The following NPIPB11 variants were observed in gnomAD, a reference collection of about 807,000 sequenced individuals.
The protein encoded by NPIPB11 is nuclear pore complex interacting protein family member B11, also known as nuclear pore complex-interacting protein family member B11.
In NPIPB11, 17 loss-of-function variants were observed where a neutral mutation model predicts 32.8. That is an observed-to-expected ratio of 0.52 (90% CI 0.35 to 0.78). The LOEUF (loss-of-function observed/expected upper bound fraction) is 0.78. Ranked by LOEUF, NPIPB11 falls within the 30% of genes least tolerant of loss-of-function variation. NPIPB11 has a pLI of 0.01. For synonymous variants in NPIPB11, 209 were observed against 398.4 expected (o/e 0.52, Z 5.66); for missense variants, 537 against 1,000.4 (o/e 0.54, Z 6.25).
rs756148582 is a variant in NPIPB11 at position 29,394,022 on chromosome 16, G to C, written c.175C>G (p.Pro59Ala). The change falls in exon 3 of 8, where the codon CCT (proline) becomes GCT (alanine). Residue 59 changes from proline (P) to alanine (A), a missense_variant. Physicochemically the swap from Pro to Ala is conservative, Grantham distance 27. Coordinates refer to ENST00000524087, the Ensembl canonical transcript of NPIPB11. ...AACGCAATAATAATATGTAACCAAG[G>C]ACTTCCACCAAAGTCAGTCCCACGA... 1.9e-6 allele frequency: 3 copies of C among 1,599,454 alleles called. No individual in the cohort carries two copies. In the Admixed American group the frequency reaches 5.0e-5, roughly 27 times the overall value.
At chr16:29,394,052 G>A in exon 3 of NPIPB11, 1 of 1,599,258 alleles carries the variant, frequency 6.3e-7, no homozygotes, top group Non-Finnish European at 8.5e-7. Flanking sequence ...CCACGATGAT[G>A]ATGGTCAGCC....
chr16:29,405,629 C>T (rs1319527547), upstream of NPIPB11, among the ~76,000 whole-genome samples: 2 of 152,052 alleles, frequency 1.3e-5, no homozygotes, highest in African/African-American at 4.8e-5. Context: ...AGTGTGGAGA[C>T]CTTGCATCCA....
At chr16:29,397,447 G>C in intron 2 of NPIPB11, 1 of 1,055,548 alleles carries the variant, frequency 9.5e-7, no homozygotes, top group Non-Finnish European at 1.3e-6. Context: ...CTGGACTCAA[G>C]TGATCTGCCC....
upstream of NPIPB11, among the ~76,000 whole-genome samples, chr16:29,405,386 C>T (rs1964091842): frequency 6.6e-6 from 1 of 152,104 alleles, no homozygotes; most frequent in Non-Finnish European, 1.5e-5. Context: ...CTTGGGGACA[C>T]AGCAGAGAAC....
At chr16:29,389,742 C>T (rs1012404387) in intron 5 of NPIPB11, among the ~76,000 whole-genome samples, 199 bp downstream of exon 5, 12 of 148,710 alleles carry the variant, frequency 8.1e-5, no homozygotes, top group African/African-American at 2.0e-4. Flanking sequence ...CCTCTTCCCC[C>T]GAAAAAATTA....
At position 29,382,098 on chromosome 16, in the gene NPIPB11, C is replaced by A. The variant is rs1172295262; in HGVS notation, c.2834G>T (p.Arg945Leu). The change falls in exon 8 of 8, where the codon CGT (arginine) becomes CTT (leucine). Residue 945 changes from arginine to leucine, a missense_variant. By Grantham distance (102) the Arg-to-Leu change is moderately radical (BLOSUM62 -2). Coordinates refer to ENST00000524087, the Ensembl canonical transcript of NPIPB11. ...TGAGGGTGGAAGGGGAGTGAGCTGA[C>A]GTTTGGAAGGTGTCTTGAGATTATC... The A allele has an allele frequency of 2.3e-5, 10 of 444,002 alleles. 1 individual carries two copies. The highest frequency in any genetic ancestry group is 1.5e-4 in the South Asian group (7 of 46,132). The allele number at this position is 444,002 out of a possible 1,614,324, so 27.5% of individuals were successfully genotyped here.
chr16:29,383,353 G>A lies in NPIPB11; in HGVS notation c.1579C>T (p.Pro527Ser), dbSNP rs777172439. The change falls in exon 8 of 8, where the codon CCA (proline) becomes TCA (serine). Residue 527 changes from proline (P) to serine (S), a missense_variant. Coordinates refer to ENST00000524087, the Ensembl canonical transcript of NPIPB11. ...TCTGCTGAGGGTGGAGCTGAGGGTGGAAGGGGAGTGAGCTGACGCTCAGAA... is the reference window on the plus strand; with the variant it reads ...TCTGCTGAGGGTGGAGCTGAGGGTGAAAGGGGAGTGAGCTGACGCTCAGAA... The A allele has an allele frequency of 5.3e-5, 74 of 1,406,262 alleles. 6 individuals are homozygous for A. Among genetic ancestry groups the A allele is most frequent in the Admixed American group, 9.1e-5 (4 of 43,802 alleles). The allele number at this position is 1,406,262 out of a possible 1,614,324, so 87.1% of individuals were successfully genotyped here.
intron 2 of NPIPB11, 113 bp from the exon 3 acceptor site, chr16:29,394,189 T>G: frequency 8.7e-7 from 1 of 1,149,672 alleles, no homozygotes. Flanking sequence ...ACCACATCCC[T>G]CAGATATCAC....
intron 2 of NPIPB11, chr16:29,397,693 G>C: frequency 1.1e-6 from 1 of 923,302 alleles, no homozygotes; most frequent in East Asian, 3.3e-5. Context: ...AGGTGGAGGT[G>C]GCTTAGGGCA....
intron 2 of NPIPB11, among the ~76,000 whole-genome samples, chr16:29,397,354 G>A (rs955507608): frequency 1.3e-5 from 2 of 151,330 alleles, no homozygotes; most frequent in African/African-American, 4.9e-5. Flanking sequence ...TAACAGGTAC[G>A]CACCACCAGG....
Position 29,383,036 on chromosome 16 carries a change from G to C in NPIPB11, c.1896C>G (p.Arg632=). ...AGATTATCATCCGCTGACGGTGGAA[G>C]CGGAACCCGCAGATGCTCAGCAGGT... Residue 632 remains arginine (R), a synonymous_variant, in exon 8 of 8, where the codon CGC becomes CGG. Transcript: ENST00000524087. The C allele has an allele frequency of 1.9e-6, 3 of 1,609,716 alleles. 1 individual carries two copies. Among genetic ancestry groups the C allele is most frequent in the African/African-American group, 1.3e-5 (1 of 74,100 alleles).
Position 29,393,931 on chromosome 16 carries a change from A to C in NPIPB11, c.249+17T>G, listed in dbSNP as rs758733126. The C allele has an allele frequency of 6.4e-7, 1 of 1,558,126 alleles. No homozygotes were observed. On this transcript the variant is annotated intron_variant, in intron 3 of 7. Coordinates refer to ENST00000524087, the Ensembl canonical transcript of NPIPB11. Reference sequence around the variant, plus strand: ...TGTGATTACAAGTATACCTCTACAGAAAGTTAGTATACTCACCCAAAGGTA... The same window carrying C: ...TGTGATTACAAGTATACCTCTACAGCAAGTTAGTATACTCACCCAAAGGTA...
intron 3 of NPIPB11, among the ~76,000 whole-genome samples, chr16:29,391,830 T>G (rs1685533778): frequency 6.6e-6 from 1 of 151,958 alleles, no homozygotes; most frequent in African/African-American, 2.4e-5. Flanking sequence ...AAGCGATTCT[T>G]GTGCCTCGGC....
At chr16:29,395,893 A>G (rs1963841566) in intron 2 of NPIPB11, among the ~76,000 whole-genome samples, 1 of 150,736 alleles carries the variant, frequency 6.6e-6, no homozygotes, top group Admixed American at 6.6e-5. Context: ...CAGAAGAATC[A>G]CTTGAACCCG....
chr16:29,391,373 C>T (rs552718438), intron 3 of NPIPB11, among the ~76,000 whole-genome samples: 136 of 147,886 alleles, frequency 9.2e-4, no homozygotes, highest in Non-Finnish European at 1.7e-3. Context: ...CACAGGTTAA[C>T]ATGTTTCACA....
chr16:29,401,241 AC>A (rs1300036095), intron 2 of NPIPB11, among the ~76,000 whole-genome samples: 2 of 152,128 alleles, frequency 1.3e-5, no homozygotes, highest in Admixed American at 6.6e-5. Flanking sequence ...CCTGGATTTA[AC>A]TTAAAGGAAC....
chr16:29,394,215 C>T (rs894940358), intron 2 of NPIPB11, 139 bp from the exon 3 acceptor site: 1 of 1,042,980 alleles, frequency 9.6e-7, no homozygotes, highest in African/African-American at 1.6e-5. Flanking sequence ...GATTCCACTG[C>T]TACAAAAAAG....
chr16:29,402,724 C>CTCTCTCTCTCTCTGTG (rs1449821025), intron 2 of NPIPB11, among the ~76,000 whole-genome samples: 45 of 119,668 alleles, frequency 3.8e-4, no homozygotes, highest in South Asian at 3.0e-3. Flanking sequence ...CTCTCTCTCT[C>CTCTCTCTCTCTCTGTG]TGTGTGTGTG....
chr16:29,397,091 A>G (rs1963873374), intron 2 of NPIPB11, among the ~76,000 whole-genome samples: 1 of 150,050 alleles, frequency 6.7e-6, no homozygotes, highest in African/African-American at 2.4e-5. Context: ...CAATTGCTTG[A>G]ACCCCGGAAG....
Sources: gnomAD v4.1 joint callset for allele counts (sites outside exome capture counted in the v4.1 genomes callset) on GRCh38, gnomAD v4.1.1 for gene constraint, MANE v1.5 for transcripts, NCBI Gene and HGNC (gene_info 2026-07-23, HGNC 2026-07-21) for gene names.